The following CHST9 variants were observed in gnomAD, a reference collection of about 807,000 sequenced individuals.
CHST9 encodes the protein GalNAc-4-sulfotransferase 2.
CHST9 carries 41 observed loss-of-function variants against 44.4 expected under a neutral mutation model. The ratio of observed to expected loss-of-function variants is 0.92; its 90% CI spans 0.72 to 1.20. The LOEUF (loss-of-function observed/expected upper bound fraction) is 1.20. Among genes scored for constraint, CHST9 ranks in the 50% most tolerant of loss-of-function variants. CHST9 has a pLI of 0.00. For missense variants in CHST9, 504 were observed against 516.5 expected (o/e 0.98, Z 0.23); for synonymous variants, 171 against 178.4 (o/e 0.96, Z 0.33).
At chr18:27,134,970 A>T (rs931654012) in intron 2 of CHST9, among the ~76,000 whole-genome samples, 12 of 152,208 alleles carry the variant, frequency 7.9e-5, no homozygotes, top group African/African-American at 2.9e-4. Context: ...TCTATGGTAC[A>T]CTATGCTGGC....
At chr18:27,141,799 C>T (rs1012054219) in intron 2 of CHST9, among the ~76,000 whole-genome samples, 3 of 150,070 alleles carry the variant, frequency 2.0e-5, no homozygotes, top group African/African-American at 7.4e-5. Flanking sequence ...AAAAATCATT[C>T]TTCTGCTTTT....
intron 4 of CHST9, among the ~76,000 whole-genome samples, chr18:26,975,725 G>GTGTATATGTATA: frequency 9.8e-6 from 1 of 101,842 alleles, no homozygotes; most frequent in Admixed American, 1.1e-4. Flanking sequence ...GTGTGTGTGT[G>GTGTATATGTATA]TATATATATA....
intron 2 of CHST9, among the ~76,000 whole-genome samples, chr18:27,055,923 C>T (rs2057649246): frequency 7.0e-6 from 1 of 142,442 alleles, no homozygotes; most frequent in Admixed American, 7.3e-5. Context: ...TTTCTTCTCA[C>T]CTCTTCTCTC....
intron 1 of CHST9, among the ~76,000 whole-genome samples, chr18:27,180,709 T>C (rs2058905274): frequency 6.6e-6 from 1 of 152,210 alleles, no homozygotes; most frequent in African/African-American, 2.4e-5. Flanking sequence ...ATGATCACTG[T>C]AGGTCCCCAT....
chr18:27,070,470 C>T (rs1444102240), intron 2 of CHST9, among the ~76,000 whole-genome samples: 1 of 152,190 alleles, frequency 6.6e-6, no homozygotes, highest in Non-Finnish European at 1.5e-5. Context: ...CTCTCCATTG[C>T]CTACCAATGT....
At chr18:27,120,292 C>T (rs1358570915) in intron 2 of CHST9, among the ~76,000 whole-genome samples, 2 of 152,208 alleles carry the variant, frequency 1.3e-5, no homozygotes, top group Non-Finnish European at 2.9e-5. Flanking sequence ...TTATCCTCTT[C>T]TCAGAATACT....
At chr18:27,169,383 A>G (rs1366171271) in intron 1 of CHST9, among the ~76,000 whole-genome samples, 1 of 152,176 alleles carries the variant, frequency 6.6e-6, no homozygotes, top group African/African-American at 2.4e-5. Flanking sequence ...ACCTAATAGC[A>G]TGGCATCAAA....
At chr18:27,138,359 C>T (rs2058534541) in intron 2 of CHST9, among the ~76,000 whole-genome samples, 1 of 152,144 alleles carries the variant, frequency 6.6e-6, no homozygotes, top group Admixed American at 6.5e-5. Context: ...CTTGTATGGA[C>T]ACGAGATACC....
chr18:27,169,359 C>G (rs1244814449), intron 1 of CHST9, among the ~76,000 whole-genome samples: 1 of 152,052 alleles, frequency 6.6e-6, no homozygotes, highest in Non-Finnish European at 1.5e-5. Flanking sequence ...AAATATAATT[C>G]TAAACTTATA....
intron 4 of CHST9, among the ~76,000 whole-genome samples, chr18:27,007,993 G>C (rs1219666539): frequency 6.6e-6 from 1 of 152,146 alleles, no homozygotes; most frequent in Non-Finnish European, 1.5e-5. Flanking sequence ...AAAGCATCCA[G>C]TAGAGAAGAG....
intron 1 of CHST9, among the ~76,000 whole-genome samples, chr18:27,176,707 A>T (rs2058871514): frequency 6.6e-6 from 1 of 152,132 alleles, no homozygotes; most frequent in South Asian, 2.1e-4. Context: ...ATATATATCA[A>T]TAATCTCAAG....
At chr18:27,084,065 T>G (rs941674770) in intron 2 of CHST9, among the ~76,000 whole-genome samples, 2 of 151,862 alleles carry the variant, frequency 1.3e-5, no homozygotes, top group Admixed American at 1.3e-4. Context: ...AGGATTTTTG[T>G]ATCTATGTTC....
chr18:27,123,235 G>C (rs1391834432), intron 2 of CHST9, among the ~76,000 whole-genome samples: 1 of 152,132 alleles, frequency 6.6e-6, no homozygotes, highest in African/African-American at 2.4e-5. Flanking sequence ...TCCACTATGA[G>C]ATGGAGCTAA....
intron 2 of CHST9, among the ~76,000 whole-genome samples, chr18:27,055,325 G>GA (rs1199733299): frequency 6.6e-6 from 1 of 151,804 alleles, no homozygotes; most frequent in Non-Finnish European, 1.5e-5. Flanking sequence ...GATTTTAAAG[G>GA]AAAAAAAACT....
chr18:26,935,667 C>T (rs920803817), intron 5 of CHST9: 1 of 152,098 alleles, frequency 6.6e-6, no homozygotes, highest in Non-Finnish European at 1.5e-5. Context: ...ACATTTTGAG[C>T]AAGGCATATA....
At chr18:27,170,323 G>T (rs2058824857) in intron 1 of CHST9, among the ~76,000 whole-genome samples, 1 of 152,170 alleles carries the variant, frequency 6.6e-6, no homozygotes, top group Admixed American at 6.5e-5. Context: ...TGGCAGAACT[G>T]CCAAATGGAA....
At chr18:26,998,685 C>T (rs1305419809) in intron 4 of CHST9, among the ~76,000 whole-genome samples, 1 of 147,604 alleles carries the variant, frequency 6.8e-6, no homozygotes, top group Non-Finnish European at 1.5e-5. Context: ...GAAATTGCAC[C>T]AGCCTGGGTG....
chr18:27,176,259 T>C (rs1458198904), intron 1 of CHST9, among the ~76,000 whole-genome samples: 2 of 152,050 alleles, frequency 1.3e-5, no homozygotes, highest in Non-Finnish European at 2.9e-5. Flanking sequence ...TGCAAGGTGA[T>C]AGTTTTCATA....
At chr18:27,044,504 T>C (rs1338245713) in intron 3 of CHST9, among the ~76,000 whole-genome samples, 2 of 152,068 alleles carry the variant, frequency 1.3e-5, no homozygotes, top group East Asian at 3.9e-4. Context: ...GAATGAAACA[T>C]GTAGATATTG....
Sources: gnomAD v4.1 joint callset for allele counts (sites outside exome capture counted in the v4.1 genomes callset) on GRCh38, gnomAD v4.1.1 for gene constraint, MANE v1.5 for transcripts, NCBI Gene and HGNC (gene_info 2026-07-23, HGNC 2026-07-21) for gene names.